CTNNA2: variants seen among roughly 807,000 people sequenced by gnomAD.
The protein encoded by CTNNA2 is catenin alpha 2.
CTNNA2 carries 42 observed loss-of-function variants against 101.0 expected under a neutral mutation model. The ratio of observed to expected loss-of-function variants is 0.42; its 90% CI spans 0.32 to 0.54. The LOEUF is 0.54. Among genes scored for constraint, CTNNA2 ranks in the 20% least tolerant of loss-of-function variants. CTNNA2 has a pLI of 0.14. For missense variants in CTNNA2, 871 were observed against 1,223.1 expected (o/e 0.71, Z 4.29); for synonymous variants, 450 against 456.4 (o/e 0.99, Z 0.18).
intron 1 of CTNNA2, among the ~76,000 whole-genome samples, chr2:79,528,492 A>G (rs957068741): frequency 6.6e-6 from 1 of 152,096 alleles, no homozygotes; most frequent in African/African-American, 2.4e-5. Context: ...ATGGTTGCAT[A>G]TACTGTTTGT....
At chr2:80,454,267 A>T (rs770852772) in intron 9 of CTNNA2, among the ~76,000 whole-genome samples, 16 of 152,172 alleles carry the variant, frequency 1.1e-4, no homozygotes, top group Non-Finnish European at 1.9e-4. Context: ...CTATAGAAAG[A>T]TAGATTTTTG....
chr2:79,818,819 A>AGTTTT, intron 3 of CTNNA2, among the ~76,000 whole-genome samples: 1 of 97,526 alleles, frequency 1.0e-5, no homozygotes. Flanking sequence ...TCCAAAATGC[A>AGTTTT]ATTATATATA....
intron 18 of CTNNA2, among the ~76,000 whole-genome samples, chr2:80,632,714 C>A (rs1027978203): frequency 6.6e-6 from 1 of 152,096 alleles, no homozygotes; most frequent in Non-Finnish European, 1.5e-5. Context: ...GGAGCCAAGA[C>A]CCTGGGACTG....
At chr2:79,409,634 G>C (rs1341124682) in intron 4 of CTNNA2, among the ~76,000 whole-genome samples, 19 of 150,018 alleles carry the variant, frequency 1.3e-4, no homozygotes, top group African/African-American at 4.4e-4. Context: ...ATTTCTGAGG[G>C]CTCTGTTCTG....
Position 80,286,685 on chromosome 2 carries a change from A to G in CTNNA2, c.1057-106526A>G, listed in dbSNP as rs145121630. ...CCACCCACCTAACTAGACACAGTGT[A>G]TAGTCCACCTTCTTCATCAAGCCCT... On this transcript the variant is annotated intron_variant, in intron 7 of 18. Coordinates refer to ENST00000402739, the MANE Select transcript of CTNNA2 (RefSeq NM_001282597.3). Among the ~76,000 whole-genome samples, 315 of 152,292 alleles carry G rather than the reference A, an allele frequency of 2.1e-3. 1 individual carries two copies. The highest frequency in any genetic ancestry group is 6.8e-3 in the Middle Eastern group (2 of 294).
At chr2:79,838,469 G>A (rs1292557366) in intron 3 of CTNNA2, among the ~76,000 whole-genome samples, 1 of 152,056 alleles carries the variant, frequency 6.6e-6, no homozygotes, top group Non-Finnish European at 1.5e-5. Context: ...AAAACAATAG[G>A]AGGCTATATC....
chr2:79,541,170 T>C (rs1673383515), intron 1 of CTNNA2, among the ~76,000 whole-genome samples: 1 of 150,240 alleles, frequency 6.7e-6, no homozygotes, highest in Admixed American at 6.7e-5. Context: ...TGTGTATAAG[T>C]ATAAACATAT....
At chr2:80,009,127 C>T (rs531824119) in intron 7 of CTNNA2, among the ~76,000 whole-genome samples, 1 of 152,312 alleles carries the variant, frequency 6.6e-6, no homozygotes, top group South Asian at 2.1e-4. Flanking sequence ...AGGCAGGGAA[C>T]ATCCCATGAT....
At chr2:79,379,639 A>G (rs114799963) in intron 4 of CTNNA2, among the ~76,000 whole-genome samples, 1 of 152,322 alleles carries the variant, frequency 6.6e-6, no homozygotes, top group East Asian at 1.9e-4. Context: ...AAACATTTTC[A>G]CACTTGTCCA....
At chr2:80,265,483 A>G (rs950592358) in intron 7 of CTNNA2, among the ~76,000 whole-genome samples, 1 of 152,118 alleles carries the variant, frequency 6.6e-6, no homozygotes, top group African/African-American at 2.4e-5. Context: ...GATTCTGGAG[A>G]CATTTGGAAT....
chr2:79,339,078 G>A (rs892380413), intron 3 of CTNNA2, among the ~76,000 whole-genome samples: 5 of 152,140 alleles, frequency 3.3e-5, no homozygotes, highest in African/African-American at 1.2e-4. Context: ...AATCACTCAC[G>A]TGGAGAAGTT....
intron 6 of CTNNA2, among the ~76,000 whole-genome samples, chr2:79,874,756 C>T (rs1018889363): frequency 1.3e-4 from 20 of 152,078 alleles, no homozygotes; most frequent in Admixed American, 1.0e-3. Context: ...TGCGGTGAGC[C>T]GAGATCGTGC....
At chr2:79,756,110 C>A (rs1029900899) in intron 3 of CTNNA2, among the ~76,000 whole-genome samples, 5 of 151,398 alleles carry the variant, frequency 3.3e-5, no homozygotes, top group Non-Finnish European at 7.4e-5. Flanking sequence ...GCTTTTATTG[C>A]AAGACATTGG....
At chr2:79,195,794 A>T (rs1673951621) in intron 1 of CTNNA2, 1 of 512,358 alleles carries the variant, frequency 2.0e-6, no homozygotes, top group Admixed American at 2.0e-5. Context: ...TCCTCCTCAC[A>T]CAAAGCAAGG....
At chr2:79,475,239 G>GTT (rs5832391) in intron 4 of CTNNA2, among the ~76,000 whole-genome samples, 11 of 151,010 alleles carry the variant, frequency 7.3e-5, no homozygotes, top group South Asian at 2.1e-4. Flanking sequence ...CCTAAGCTGT[G>GTT]TTTTTTTCAC....
At chr2:79,935,140 T>C (rs914443244) in intron 7 of CTNNA2, among the ~76,000 whole-genome samples, 4 of 152,204 alleles carry the variant, frequency 2.6e-5, no homozygotes, top group Non-Finnish European at 5.9e-5. Context: ...GACAGGCTAT[T>C]CTCTGCCAGC....
chr2:79,630,884 G>C (rs989497252), intron 1 of CTNNA2, among the ~76,000 whole-genome samples: 1 of 150,066 alleles, frequency 6.7e-6, no homozygotes, highest in African/African-American at 2.5e-5. Flanking sequence ...TCTAAACTGA[G>C]AATAATGTAC....
At chr2:80,006,017 C>G (rs545816523) in intron 7 of CTNNA2, among the ~76,000 whole-genome samples, 1 of 152,158 alleles carries the variant, frequency 6.6e-6, no homozygotes, top group South Asian at 2.1e-4. Context: ...TTTCCATAAT[C>G]CATTGCTATT....
At chr2:79,418,456 G>C (rs1678506692) in intron 4 of CTNNA2, among the ~76,000 whole-genome samples, 1 of 152,084 alleles carries the variant, frequency 6.6e-6, no homozygotes, top group Non-Finnish European at 1.5e-5. Flanking sequence ...ATAAAGGCAA[G>C]ACAGGGATTA....
Sources: allele counts gnomAD v4.1 joint callset (sites outside exome capture counted in the v4.1 genomes callset), GRCh38; gene constraint gnomAD v4.1.1; transcripts MANE v1.5; gene names NCBI Gene and HGNC (gene_info 2026-07-23, HGNC 2026-07-21).